KPNA1: variants seen among roughly 807,000 people sequenced by gnomAD.
KPNA1 encodes the protein karyopherin subunit alpha 1, also known as importin subunit alpha-5.
A neutral mutation model predicts 70.5 loss-of-function variants in KPNA1; 10 were observed. That is an observed-to-expected ratio of 0.14 (90% confidence interval 0.09 to 0.24). KPNA1 has a LOEUF of 0.24. KPNA1 is among the 10% of genes least tolerant of loss of function. The probability of loss-of-function intolerance (pLI) is 1.00; values close to 1 mark genes in which losing one functional copy is unlikely to be tolerated. For missense variants in KPNA1, 397 were observed against 637.9 expected, an observed-to-expected ratio of 0.62 and a Z score of 4.07; for synonymous variants, 192 against 221.9, an observed-to-expected ratio of 0.87 and a Z score of 1.20.
chr3:122,445,844 A>C (rs1205525918), intron 9 of KPNA1, among the ~76,000 whole-genome samples: 1 of 152,196 alleles, frequency 6.6e-6, no homozygotes, highest in African/African-American at 2.4e-5. Flanking sequence ...AGCACATGGA[A>C]AGCAAAAAAA....
chr3:122,498,707 C>CT (rs1246241044), intron 1 of KPNA1, among the ~76,000 whole-genome samples: 2 of 151,970 alleles, frequency 1.3e-5, no homozygotes, highest in African/African-American at 4.8e-5. Flanking sequence ...TTTTTTGGTT[C>CT]TTTTTTCAAG....
At chr3:122,463,467 G>A (rs1285395065) in intron 4 of KPNA1, among the ~76,000 whole-genome samples, 7 of 150,722 alleles carry the variant, frequency 4.6e-5, no homozygotes, top group Admixed American at 6.6e-5. Context: ...GTTGCAGTGA[G>A]CCAAGATCGC....
chr3:122,473,482 T>A lies in KPNA1; in HGVS notation c.130-6053A>T, dbSNP rs116328304. Among the ~76,000 whole-genome samples the A allele has an allele frequency of 3.1e-3, 475 of 152,190 alleles. 1 individual carries two copies. Among genetic ancestry groups the A allele is most frequent in the African/African-American group, 0.011 (452 of 41,524 alleles). On this transcript the variant is annotated intron_variant, in intron 2 of 13. Coordinates refer to ENST00000344337, the MANE Select transcript of KPNA1 (RefSeq NM_002264.4). ...AGGTGCAAAATCCTCAACAAAACAT[T>A]AGCAAAACAAACCCAACAATGTATA...
At chr3:122,478,335 AACT>A (rs2076528764) in intron 2 of KPNA1, among the ~76,000 whole-genome samples, 1 of 151,640 alleles carries the variant, frequency 6.6e-6, no homozygotes, top group Non-Finnish European at 1.5e-5. Flanking sequence ...TGTAATAAAA[AACT>A]AGGCCACGCG....
intron 1 of KPNA1, among the ~76,000 whole-genome samples, chr3:122,500,191 G>C (rs7612081): frequency 6.6e-6 from 1 of 151,248 alleles, no homozygotes; most frequent in South Asian, 2.1e-4. Context: ...GCGTAATCTC[G>C]GCTCACTGCA....
chr3:122,430,901 T>C (rs146272610), intron 12 of KPNA1, among the ~76,000 whole-genome samples: 1,536 of 152,266 alleles, frequency 0.01, 8 homozygotes, highest in Non-Finnish European at 0.016. Flanking sequence ...CACCAGTCGA[T>C]TACTTAATCA....
chr3:122,489,904 A>G (rs773350036), intron 2 of KPNA1, among the ~76,000 whole-genome samples: 2 of 152,118 alleles, frequency 1.3e-5, no homozygotes, highest in African/African-American at 4.8e-5. Flanking sequence ...TTAAGTATGG[A>G]GCAGTACTAA....
intron 5 of KPNA1, among the ~76,000 whole-genome samples, chr3:122,455,841 C>T (rs2076259138): frequency 6.6e-6 from 1 of 152,180 alleles, no homozygotes; most frequent in African/African-American, 2.4e-5. Flanking sequence ...CAAGCATGAG[C>T]CACCGCACCC....
rs765354666 is a variant in KPNA1 at position 122,426,967 on chromosome 3, T to C, written c.*18A>G. The stretch of plus-strand genomic sequence containing the variant: ...GGTAGCCTGGTCTGACACAGGTACG[T>C]GAAAGCAGAGTATTGCTTCAAAGCT... On this transcript the variant is annotated 3_prime_UTR_variant, in exon 14 of 14. Transcript: ENST00000344337. The C allele has an allele frequency of 3.1e-6, 5 of 1,609,732 alleles. No individual in the cohort carries two copies. The South Asian group carries it at 5.5e-5, about 18-fold the overall frequency.
chr3:122,452,821 CAG>C (rs918792166), intron 6 of KPNA1, among the ~76,000 whole-genome samples: 28 of 151,370 alleles, frequency 1.8e-4, no homozygotes, highest in Non-Finnish European at 3.5e-4. Context: ...GATGGAGAGA[CAG>C]AAAGAGAGAA....
intron 2 of KPNA1, 147 bp from the exon 3 acceptor site, chr3:122,467,576 C>A: frequency 3.9e-6 from 2 of 513,076 alleles, no homozygotes; most frequent in South Asian, 2.3e-5. Flanking sequence ...TGATGAGTAA[C>A]CATTTCAGAT....
At position 122,425,501 on chromosome 3, in the gene KPNA1, T is replaced by C. The variant is rs990168305; in HGVS notation, c.*1484A>G. 3.9e-5 allele frequency: 6 copies of C among 152,684 alleles called. No individual in the cohort carries two copies. In the East Asian group the frequency reaches 9.6e-4, roughly 24 times the overall value. 9.5% of individuals were successfully genotyped at this position (152,684 alleles called of 1,614,324 possible). On this transcript the variant is annotated 3_prime_UTR_variant, in exon 14 of 14. Transcript: ENST00000344337. ...AGCACATCAACAAAAAAATCTTCTCTGGTAGTGTATCCCAACATTGAGTCA... is the reference window on the plus strand; with the variant it reads ...AGCACATCAACAAAAAAATCTTCTCCGGTAGTGTATCCCAACATTGAGTCA...
intron 3 of KPNA1, 46 bp downstream of exon 3, chr3:122,467,276 C>T (rs2076391487): frequency 9.4e-7 from 1 of 1,058,456 alleles, no homozygotes; most frequent in Middle Eastern, 2.1e-4. Flanking sequence ...AAATCTACAT[C>T]TCATATCTTC....
Position 122,510,084 on chromosome 3 carries a change from T to G in KPNA1, c.-6+4673A>C, listed in dbSNP as rs56023528. On this transcript the variant is annotated intron_variant, in intron 1 of 13. Coordinates refer to ENST00000344337, the MANE Select transcript of KPNA1 (RefSeq NM_002264.4). ...AGAACTATGACTTGCAAACTTGAAG[T>G]AGAAGTTACTTTCAACTCAGAATTT... Among the ~76,000 whole-genome samples the G allele has an allele frequency of 7.9e-5, 12 of 152,258 alleles. No homozygotes were observed. The South Asian group carries it at 1.5e-3, about 18-fold the overall frequency.
At chr3:122,427,752 T>A in intron 12 of KPNA1, 36 bp from the exon 13 acceptor site, 1 of 1,380,630 alleles carries the variant, frequency 7.2e-7, no homozygotes, top group Non-Finnish European at 9.7e-7. Context: ...AACAAAACTT[T>A]TAATTTTGTT....
chr3:122,432,290 A>G (rs868386003), intron 12 of KPNA1, among the ~76,000 whole-genome samples: 2 of 152,228 alleles, frequency 1.3e-5, no homozygotes, highest in African/African-American at 4.8e-5. Context: ...AAAAACCTAC[A>G]AGACAAATGT....
At chr3:122,460,115 C>T (rs2076307124) in intron 5 of KPNA1, 1 of 985,212 alleles carries the variant, frequency 1.0e-6, no homozygotes, top group Non-Finnish European at 1.2e-6. Flanking sequence ...TTTATAGCTG[C>T]ATAGTCTCAG....
At chr3:122,491,485 G>C (rs1024627595) in intron 2 of KPNA1, among the ~76,000 whole-genome samples, 2 of 152,208 alleles carry the variant, frequency 1.3e-5, no homozygotes, top group African/African-American at 4.8e-5. Context: ...TGGTTAAACA[G>C]GTGAAATCAA....
chr3:122,466,731 G>C (rs944089055), intron 3 of KPNA1, among the ~76,000 whole-genome samples: 8 of 152,140 alleles, frequency 5.3e-5, no homozygotes, highest in Admixed American at 3.9e-4. Context: ...CTTATGGCTT[G>C]GTGTGATGGC....
Sources: allele counts gnomAD v4.1 joint callset (sites outside exome capture counted in the v4.1 genomes callset), GRCh38; gene constraint gnomAD v4.1.1; transcripts MANE v1.5; gene names NCBI Gene and HGNC (gene_info 2026-07-23, HGNC 2026-07-21).